MTARC2: variants seen among roughly 807,000 people sequenced by gnomAD.
The protein encoded by MTARC2 is MOCO sulphurase C-terminal domain containing 2.
In MTARC2, 27 loss-of-function variants were observed where a neutral mutation model predicts 35.6. That is an observed-to-expected ratio of 0.76 (90% CI 0.56 to 1.04). The LOEUF is 1.04. MTARC2 is among the 50% of genes least tolerant of loss of function. The pLI is 0.00. For missense variants in MTARC2, 412 were observed against 432.5 expected (o/e 0.95, Z 0.42); for synonymous variants, 158 against 167.1 (o/e 0.95, Z 0.42).
At chr1:220,757,301 T>C (rs1671306337) in intron 2 of MTARC2, among the ~76,000 whole-genome samples, 1 of 152,232 alleles carries the variant, frequency 6.6e-6, no homozygotes, top group African/African-American at 2.4e-5. Flanking sequence ...GTGAAAATGA[T>C]TGAGAGCTGT....
At chr1:220,765,599 A>T (rs899164536) in intron 4 of MTARC2, among the ~76,000 whole-genome samples, 2 of 152,092 alleles carry the variant, frequency 1.3e-5, no homozygotes, top group East Asian at 3.9e-4. Context: ...TTGAGACAAG[A>T]TCTCACTGTG....
Position 220,748,677 on chromosome 1 carries a change from G to T in MTARC2, c.146G>T (p.Arg49Leu), listed in dbSNP as rs548161289. The change falls in exon 1 of 8, where the codon CGG (arginine) becomes CTG (leucine). Residue 49 changes from arginine to leucine, a missense_variant. Arg to Leu is a moderately radical substitution (Grantham distance 102, BLOSUM62 -2). Transcript: ENST00000366913. Reference protein sequence around the residue: ...AWRRAWPRRRRRLQQVGTVAK... With the variant: ...AWRRAWPRRRLRLQQVGTVAK... ...CGCCGCGCATGGCCCAGGCGGCGCC[G>T]GCGGCTGCAGCAGGTGGGCACCGTG... 21 of 1,584,718 alleles carry T rather than the reference G, an allele frequency of 1.3e-5. No homozygotes were observed. In the African/African-American group the frequency reaches 1.9e-4, roughly 14 times the overall value.
intron 4 of MTARC2, chr1:220,770,344 T>G: frequency 4.1e-6 from 4 of 976,512 alleles, no homozygotes; most frequent in Non-Finnish European, 4.9e-6. Context: ...GTTGTGTTTA[T>G]CAGGTCTCAT....
chr1:220,782,478 C>G (rs1271126677), intron 7 of MTARC2, among the ~76,000 whole-genome samples: 1 of 152,128 alleles, frequency 6.6e-6, no homozygotes, highest in Non-Finnish European at 1.5e-5. Flanking sequence ...TTCATTGTGT[C>G]CAATACAGCC....
intron 4 of MTARC2, among the ~76,000 whole-genome samples, chr1:220,764,014 G>A (rs961076618): frequency 4.6e-5 from 7 of 152,136 alleles, no homozygotes; most frequent in Admixed American, 3.9e-4. Flanking sequence ...TCTGAGAGAA[G>A]AGGCTCTTAA....
Position 220,748,399 on chromosome 1 carries a change from A to C in MTARC2, c.-133A>C. 1.1e-6 allele frequency: 1 copy of C among 923,310 alleles called. No individual in the cohort carries two copies. 57.2% of individuals were successfully genotyped at this position (923,310 alleles called of 1,614,324 possible). ...ACTGCTCTGCCGTCTCGGCGGTGAA[A>C]GTGTGAGAGGGTCCGTAGTTGGGTC... On this transcript the variant is annotated 5_prime_UTR_variant, in exon 1 of 8. Coordinates refer to ENST00000366913, the MANE Select transcript of MTARC2 (RefSeq NM_017898.5).
chr1:220,756,247 G>C (rs903696329), intron 2 of MTARC2: 4 of 152,222 alleles, frequency 2.6e-5, no homozygotes, highest in African/African-American at 4.8e-5. Flanking sequence ...CACCAACTGA[G>C]CTTGTTAAGT....
chr1:220,774,643 T>G (rs1671842401), intron 4 of MTARC2, among the ~76,000 whole-genome samples: 2 of 151,534 alleles, frequency 1.3e-5, no homozygotes, highest in South Asian at 4.2e-4. Context: ...AAAGGCTTGG[T>G]GGCCTGGATC....
At chr1:220,773,544 G>A (rs955861401) in intron 4 of MTARC2, among the ~76,000 whole-genome samples, 3 of 152,194 alleles carry the variant, frequency 2.0e-5, no homozygotes, top group African/African-American at 7.2e-5. Context: ...TGAGAAGCAT[G>A]GGTGGCCTGG....
intron 1 of MTARC2, among the ~76,000 whole-genome samples, chr1:220,752,192 T>A (rs1671142128): frequency 6.6e-6 from 1 of 152,162 alleles, no homozygotes; most frequent in South Asian, 2.1e-4. Context: ...GCGACATTAA[T>A]AAGGGATGAA....
intron 4 of MTARC2, among the ~76,000 whole-genome samples, chr1:220,769,201 C>G (rs906041084): frequency 6.6e-6 from 1 of 152,238 alleles, no homozygotes. Flanking sequence ...CAGCCAAGGA[C>G]TACAGGACTT....
Position 220,748,421 on chromosome 1 carries a change from G to C in MTARC2, c.-111G>C. The C allele has an allele frequency of 8.9e-7, 1 of 1,124,938 alleles. No individual in the cohort carries two copies. Among genetic ancestry groups the C allele is most frequent in the Non-Finnish European group, 1.1e-6 (1 of 875,896 alleles). 69.7% of individuals were successfully genotyped at this position (1,124,938 alleles called of 1,614,324 possible). On this transcript the variant is annotated 5_prime_UTR_variant, in exon 1 of 8. Transcript: ENST00000366913. ...GAAAGTGTGAGAGGGTCCGTAGTTGGGTCAACTTTGACTCCTCTCGCCTGC... is the reference window on the plus strand; with the variant it reads ...GAAAGTGTGAGAGGGTCCGTAGTTGCGTCAACTTTGACTCCTCTCGCCTGC...
At chr1:220,764,041 T>G (rs1480778971) in intron 4 of MTARC2, among the ~76,000 whole-genome samples, 2 of 152,118 alleles carry the variant, frequency 1.3e-5, no homozygotes, top group Non-Finnish European at 2.9e-5. Context: ...TCTCAATTCT[T>G]TGCTCCCCTG....
intron 4 of MTARC2, among the ~76,000 whole-genome samples, chr1:220,779,016 A>G (rs561649248): frequency 3.3e-5 from 5 of 152,338 alleles, no homozygotes; most frequent in African/African-American, 9.6e-5. Flanking sequence ...TGAAGGTTCC[A>G]GTGCCACGTA....
chr1:220,782,307 G>GA (rs779730691), intron 7 of MTARC2, among the ~76,000 whole-genome samples: 5 of 152,150 alleles, frequency 3.3e-5, no homozygotes, highest in Non-Finnish European at 5.9e-5. Context: ...AGATAGAAGG[G>GA]AAAATGTTTA....
chr1:220,754,077 A>C lies in MTARC2; in HGVS notation c.273-870A>C, dbSNP rs147719627. ...CGAAATGAAACAAAACAACTAAACG[A>C]AACAAAACAAAATGAAACTAAACTG... On this transcript the variant is annotated intron_variant, in intron 1 of 7. Coordinates refer to ENST00000366913, the MANE Select transcript of MTARC2 (RefSeq NM_017898.5). Among the ~76,000 whole-genome samples the C allele has an allele frequency of 4.7e-4, 72 of 152,282 alleles. 2 individuals are homozygous for C. The East Asian group carries it at 7.9e-3, about 17-fold the overall frequency.
At chr1:220,767,294 C>T (rs1446089780) in intron 4 of MTARC2, among the ~76,000 whole-genome samples, 10 of 152,190 alleles carry the variant, frequency 6.6e-5, no homozygotes, top group Admixed American at 6.5e-4. Flanking sequence ...GTAGGACTCT[C>T]TTAAATATTA....
intron 4 of MTARC2, 134 bp downstream of exon 4, chr1:220,763,184 T>TTGCTGCTGCCATCACTCAG: frequency 7.9e-7 from 1 of 1,271,514 alleles, no homozygotes; most frequent in Non-Finnish European, 1.1e-6. Context: ...CCATCACTCA[T>TTGCTGCTGCCATCACTCAG]TGCTTGCGGA....
Position 220,780,153 on chromosome 1 carries a change from G to C in MTARC2, c.813-15G>C. ...GTTCCTAAGCATCACCTAACCCTTG[G>C]TTACTGCATAACAGGTGTATTTTGA... is the stretch of plus-strand genomic sequence containing the variant. On this transcript the variant is annotated splice_polypyrimidine_tract_variant and intron_variant, in intron 5 of 7. Coordinates refer to ENST00000366913, the MANE Select transcript of MTARC2 (RefSeq NM_017898.5). 1 of 1,611,760 alleles carries C rather than the reference G, an allele frequency of 6.2e-7. No individual in the cohort carries two copies. Among genetic ancestry groups the C allele is most frequent in the South Asian group, 1.1e-5 (1 of 90,672 alleles).
Sources: gnomAD v4.1 joint callset for allele counts (sites outside exome capture counted in the v4.1 genomes callset) on GRCh38, gnomAD v4.1.1 for gene constraint, MANE v1.5 for transcripts, NCBI Gene and HGNC (gene_info 2026-07-23, HGNC 2026-07-21) for gene names.